Variants in AGMO observed in about 807,000 individuals in gnomAD.
AGMO encodes alkylglycerol monooxygenase, also known as glyceryl-ether monooxygenase.
Under a neutral mutation model 60.2 loss-of-function variants are expected in AGMO, and 75 were observed. The observed-to-expected ratio is 1.25, with a 90% CI of 1.03 to 1.51. The LOEUF (loss-of-function observed/expected upper bound fraction) is 1.51, where lower values mean the gene tolerates loss of function less well. Among genes scored for constraint, AGMO ranks in the 40% most tolerant of loss-of-function variants. The pLI is 0.00. For missense variants in AGMO, 763 were observed against 525.5 expected (o/e 1.45, Z -4.42); for synonymous variants, 261 against 177.1 (o/e 1.47, Z -3.76).
At chr7:15,487,849 T>C (rs1439379735) in intron 3 of AGMO, among the ~76,000 whole-genome samples, 1 of 152,152 alleles carries the variant, frequency 6.6e-6, no homozygotes, top group Non-Finnish European at 1.5e-5. Flanking sequence ...GGAATGTCAG[T>C]GGCAAGTAAA....
In AGMO at chr7:15,362,871, G is replaced by A. The variant is rs143932115; in HGVS notation, c.1263+2643C>T. 3.9e-4 allele frequency among the ~76,000 whole-genome samples: 59 copies of A among 152,334 alleles called. No individual in the cohort carries two copies. In the East Asian group the frequency reaches 7.1e-3, roughly 18 times the overall value. On this transcript the variant is annotated intron_variant, in intron 12 of 12. Coordinates refer to ENST00000342526, the MANE Select transcript of AGMO (RefSeq NM_001004320.2). The stretch of plus-strand genomic sequence containing the variant: ...TTTTGCCACAAGGCTTGAGGTAGAT[G>A]AGTATTATCATCATTACATGGACGA...
chr7:15,277,759 G>A lies in AGMO; in HGVS notation c.1264-76400C>T, dbSNP rs147625624. On this transcript the variant is annotated intron_variant, in intron 12 of 12. Transcript: ENST00000342526. ...ACTTGATCTTTGTTTACCATCAAGT[G>A]CTCTCTGCTTCAGACAATGGGCTGG... is the stretch of plus-strand genomic sequence containing the variant. Among the ~76,000 whole-genome samples, 156 of 152,304 alleles carry A rather than the reference G, an allele frequency of 1.0e-3. 1 individual carries two copies. The East Asian group carries it at 0.026, about 26-fold the overall frequency.
intron 3 of AGMO, among the ~76,000 whole-genome samples, chr7:15,515,969 C>T (rs1396474888): frequency 6.6e-6 from 1 of 152,044 alleles, no homozygotes; most frequent in Non-Finnish European, 1.5e-5. Context: ...CGATCGTACA[C>T]CATGGTGACT....
chr7:15,334,813 T>C lies in AGMO; in HGVS notation c.1263+30701A>G, dbSNP rs563402441. 8.5e-5 allele frequency among the ~76,000 whole-genome samples: 13 copies of C among 152,268 alleles called. No individual in the cohort carries two copies. In the East Asian group the frequency reaches 2.3e-3, roughly 27 times the overall value. ...TTAAAGCTGAATTACAACATACCCA[T>C]GGCGTGTTTTCCATGTGTGCTATAT... On this transcript the variant is annotated intron_variant, in intron 12 of 12. Coordinates refer to ENST00000342526, the MANE Select transcript of AGMO (RefSeq NM_001004320.2).
chr7:15,357,428 A>G (rs995570525), intron 12 of AGMO, among the ~76,000 whole-genome samples: 34 of 151,590 alleles, frequency 2.2e-4, no homozygotes, highest in African/African-American at 8.0e-4. Context: ...AATAAATAAA[A>G]CCTCAGCGTG....
At chr7:15,273,679 G>A (rs1783686665) in intron 12 of AGMO, among the ~76,000 whole-genome samples, 1 of 152,134 alleles carries the variant, frequency 6.6e-6, no homozygotes, top group East Asian at 1.9e-4. Flanking sequence ...GTAGGTTGAT[G>A]GGGATGGCAT....
chr7:15,393,207 T>TCC lies in AGMO; in HGVS notation c.676+904_676+905dup, dbSNP rs773314326. ...ATCTGGCCTCTCCCCTTCTGGGGAG[T>TCC]CCCCTTCTACTCGACTCCCTGCCAT... On this transcript the variant is annotated intron_variant, in intron 6 of 12. Coordinates refer to ENST00000342526, the MANE Select transcript of AGMO (RefSeq NM_001004320.2). Among the ~76,000 whole-genome samples the TCC allele has an allele frequency of 3.9e-5, 6 of 152,000 alleles. No homozygotes were observed. In the East Asian group the frequency reaches 1.2e-3, roughly 29 times the overall value.
intron 12 of AGMO, among the ~76,000 whole-genome samples, chr7:15,344,908 T>G (rs1402721887): frequency 6.6e-6 from 1 of 152,212 alleles, no homozygotes; most frequent in East Asian, 1.9e-4. Context: ...TATCTCCCTG[T>G]GGAGACTGTT....
At chr7:15,258,403 T>C (rs1285198054) in intron 12 of AGMO, among the ~76,000 whole-genome samples, 3 of 151,740 alleles carry the variant, frequency 2.0e-5, no homozygotes, top group Non-Finnish European at 4.4e-5. Context: ...AAAATACTGA[T>C]TCGTGGTGGC....
At chr7:15,560,366 A>G in intron 1 of AGMO, 95 bp from the exon 2 acceptor site, 1 of 1,376,786 alleles carries the variant, frequency 7.3e-7, no homozygotes, top group Non-Finnish European at 9.8e-7. Context: ...AAAGGCCCAG[A>G]TTTGGGAAGC....
chr7:15,438,563 A>G (rs1781461884), intron 3 of AGMO, among the ~76,000 whole-genome samples: 1 of 152,200 alleles, frequency 6.6e-6, no homozygotes, highest in East Asian at 1.9e-4. Flanking sequence ...ATAATGATGC[A>G]CTGTGAGTGA....
At chr7:15,246,765 A>T (rs1013173297) in intron 12 of AGMO, among the ~76,000 whole-genome samples, 6 of 151,592 alleles carry the variant, frequency 4.0e-5, no homozygotes, top group Non-Finnish European at 2.9e-5. Context: ...GATTCTCTCA[A>T]CCTCCCCTTT....
At chr7:15,207,134 T>C (rs1781460188) in intron 12 of AGMO, among the ~76,000 whole-genome samples, 1 of 152,138 alleles carries the variant, frequency 6.6e-6, no homozygotes, top group South Asian at 2.1e-4. Context: ...AAACCATAAA[T>C]ATTAGCCACA....
intron 12 of AGMO, among the ~76,000 whole-genome samples, chr7:15,270,493 G>C (rs1649324841): frequency 6.8e-6 from 1 of 146,952 alleles, no homozygotes; most frequent in Admixed American, 6.8e-5. Context: ...TTGTTGACTT[G>C]TTTGAGTTCC....
chr7:15,332,201 G>T (rs927375251), intron 12 of AGMO, among the ~76,000 whole-genome samples: 22 of 152,100 alleles, frequency 1.4e-4, no homozygotes, highest in African/African-American at 5.3e-4. Flanking sequence ...GAGTTTATCT[G>T]CTACAGTAAG....
At chr7:15,521,858 C>T (rs758835909) in intron 3 of AGMO, among the ~76,000 whole-genome samples, 1 of 152,044 alleles carries the variant, frequency 6.6e-6, no homozygotes, top group African/African-American at 2.4e-5. Flanking sequence ...GGCAATCAGG[C>T]AAGAGAAAGA....
chr7:15,548,486 T>C (rs1279434659), intron 2 of AGMO, among the ~76,000 whole-genome samples: 1 of 151,764 alleles, frequency 6.6e-6, no homozygotes, highest in Non-Finnish European at 1.5e-5. Context: ...CTGATGGAGC[T>C]GAAAACCAAG....
chr7:15,353,780 G>A (rs189784138), intron 12 of AGMO, among the ~76,000 whole-genome samples: 4 of 152,270 alleles, frequency 2.6e-5, no homozygotes, highest in Non-Finnish European at 2.9e-5. Flanking sequence ...AAAAGCAACT[G>A]CACTTGTTGG....
intron 12 of AGMO, among the ~76,000 whole-genome samples, chr7:15,285,653 C>T (rs994606240): frequency 1.5e-4 from 23 of 152,160 alleles, no homozygotes; most frequent in African/African-American, 5.3e-4. Context: ...CTGCCCAAAG[C>T]AATCTACAGA....
Sources: allele counts gnomAD v4.1 joint callset (sites outside exome capture counted in the v4.1 genomes callset), GRCh38; gene constraint gnomAD v4.1.1; transcripts MANE v1.5; gene names NCBI Gene and HGNC (gene_info 2026-07-23, HGNC 2026-07-21).